ATP9B: variants seen among roughly 807,000 people sequenced by gnomAD.
ATP9B encodes ATPase phospholipid transporting 9B.
In ATP9B, 110 loss-of-function variants were observed where a neutral mutation model predicts 146.1. The ratio of observed to expected loss-of-function variants is 0.75; its 90% confidence interval spans 0.65 to 0.88. The LOEUF (loss-of-function observed/expected upper bound fraction) is 0.88, where lower values mean the gene tolerates loss of function less well. ATP9B is among the 40% of genes least tolerant of loss of function. The pLI is 0.00. For missense variants in ATP9B, 1,499 were observed against 1,496.4 expected, an observed-to-expected ratio of 1.00 and a Z score of -0.03; for synonymous variants, 604 against 569.7, an observed-to-expected ratio of 1.06 and a Z score of -0.86.
rs28669806 is a variant in ATP9B, at chr18:79,207,281, G to A, written c.1030+269G>A. On this transcript the variant is annotated intron_variant, in intron 10 of 29. Transcript: ENST00000426216. ...GCAGGAGTACAGGGATATTCTGTTCGTCTTTGACCTGTTTCTTGACAAACT... is the reference window on the plus strand; with the variant it reads ...GCAGGAGTACAGGGATATTCTGTTCATCTTTGACCTGTTTCTTGACAAACT... Among the ~76,000 whole-genome samples the A allele has an allele frequency of 7.4e-3, 1,123 of 152,284 alleles. 15 individuals carry two copies. Among genetic ancestry groups the A allele is most frequent in the African/African-American group, 0.026 (1,060 of 41,560 alleles).
In ATP9B at chr18:79,373,899, C is replaced by T. The variant is rs149975826; in HGVS notation, c.3072C>T (p.Gly1024=). The change falls in exon 28 of 30, where the codon GGC becomes GGT. Residue 1024 remains glycine (G), a splice_region_variant and synonymous_variant. Transcript: ENST00000426216. ...LIWVLISIYQ[G]GILMYGALVL... ...GAAAAAGCTCCTGCTGTTTTTCAGG[C>T]GGCATCCTCATGTATGGGGCCCTGG... is the stretch of plus-strand genomic sequence containing the variant. The T allele has an allele frequency of 2.7e-5, 44 of 1,612,426 alleles. No individual in the cohort carries two copies. In the East Asian group the frequency reaches 6.0e-4, roughly 22 times the overall value.
intron 2 of ATP9B, among the ~76,000 whole-genome samples, chr18:79,107,739 T>C (rs544861541): frequency 3.6e-4 from 55 of 152,326 alleles, no homozygotes; most frequent in African/African-American, 9.9e-4. Flanking sequence ...TGAATGGCTG[T>C]GGTGCCATGC....
intron 2 of ATP9B, among the ~76,000 whole-genome samples, chr18:79,102,718 G>T (rs1244883544): frequency 6.6e-6 from 1 of 152,052 alleles, no homozygotes; most frequent in Non-Finnish European, 1.5e-5. Flanking sequence ...TATTTTATTA[G>T]TTTGGGGGGG....
chr18:79,204,538 A>G (rs979572549), intron 9 of ATP9B, among the ~76,000 whole-genome samples: 1 of 152,208 alleles, frequency 6.6e-6, no homozygotes, highest in Non-Finnish European at 1.5e-5. Flanking sequence ...AGTATTTTGC[A>G]TATGAATACA....
At chr18:79,370,531 G>A (rs1006549400) in intron 26 of ATP9B, among the ~76,000 whole-genome samples, 2 of 152,146 alleles carry the variant, frequency 1.3e-5, no homozygotes, top group Non-Finnish European at 2.9e-5. Flanking sequence ...TGAATGAATT[G>A]CTTCTATGAG....
intron 2 of ATP9B, among the ~76,000 whole-genome samples, chr18:79,107,881 C>T (rs2075760284): frequency 6.6e-6 from 1 of 152,098 alleles, no homozygotes; most frequent in South Asian, 2.1e-4. Context: ...TCTGCCATTG[C>T]CTAGTGGTTT....
intron 13 of ATP9B, among the ~76,000 whole-genome samples, chr18:79,283,907 A>T (rs557265347): frequency 6.6e-6 from 1 of 152,282 alleles, no homozygotes; most frequent in South Asian, 2.1e-4. Flanking sequence ...TTAAAACTTA[A>T]CTCAGGGTGC....
chr18:79,340,993 C>T (rs1322978017), intron 19 of ATP9B, among the ~76,000 whole-genome samples: 1 of 152,226 alleles, frequency 6.6e-6, no homozygotes, highest in Non-Finnish European at 1.5e-5. Context: ...TCACAGCTAT[C>T]CTTATTAGAC....
chr18:79,169,637 T>G, intron 7 of ATP9B, among the ~76,000 whole-genome samples: 1 of 152,262 alleles, frequency 6.6e-6, no homozygotes, highest in East Asian at 1.9e-4. Context: ...GTTATACATT[T>G]GTTAATTATG....
intron 8 of ATP9B, among the ~76,000 whole-genome samples, chr18:79,191,647 T>C (rs1044384244): frequency 3.3e-5 from 5 of 152,254 alleles, no homozygotes; most frequent in Admixed American, 2.0e-4. Flanking sequence ...GGAATTTCCA[T>C]GTGCTTCTCT....
At chr18:79,157,396 C>CAAAAAAAAAAAAAA (rs147316668) in intron 7 of ATP9B, among the ~76,000 whole-genome samples, 16 of 48,582 alleles carry the variant, frequency 3.3e-4, no homozygotes, top group East Asian at 1.4e-3. Context: ...AACTCCATCT[C>CAAAAAAAAAAAAAA]AAAAAAAAAA....
chr18:79,336,139 G>A (rs927234417), intron 17 of ATP9B, among the ~76,000 whole-genome samples: 2 of 149,228 alleles, frequency 1.3e-5, no homozygotes, highest in African/African-American at 2.5e-5. Flanking sequence ...CCCCTCGCCC[G>A]TCCCCAGCAC....
Position 79,327,747 on chromosome 18 carries a change from CGTGGTTAGCGTGCTCTCT to C in ATP9B, c.1774-1386_1774-1369del, listed in dbSNP as rs1600056434. On this transcript the variant is annotated intron_variant, in intron 15 of 29. Coordinates refer to ENST00000426216, the MANE Select transcript of ATP9B (RefSeq NM_198531.5). ...TGCTCGCCGTGGTTAGCGTGCTCTC[CGTGGTTAGCGTGCTCTCT>C]GTGGTTAACGTGCTCTCCGTGGTTA... is the stretch of plus-strand genomic sequence containing the variant. Among the ~76,000 whole-genome samples the C allele has an allele frequency of 5.8e-5, 7 of 121,374 alleles. No individual in the cohort carries two copies. In the East Asian group the frequency reaches 8.3e-4, roughly 14 times the overall value. 79.6% of individuals were successfully genotyped at this position (121,374 alleles called of 152,430 possible).
chr18:79,208,277 G>A lies in ATP9B; in HGVS notation c.1030+1265G>A, dbSNP rs2095553901. On this transcript the variant is annotated intron_variant, in intron 10 of 29. Coordinates refer to ENST00000426216, the MANE Select transcript of ATP9B (RefSeq NM_198531.5). Reference sequence around the variant, plus strand: ...GAAAAATGAAGTTTATATAGACCAGGTCTAGGAGCAGCTTTTCTGAAGAAG... The same window carrying A: ...GAAAAATGAAGTTTATATAGACCAGATCTAGGAGCAGCTTTTCTGAAGAAG... Among the ~76,000 whole-genome samples, 4 of 152,082 alleles carry A rather than the reference G, an allele frequency of 2.6e-5. No individual in the cohort carries two copies. In the South Asian group the frequency reaches 8.3e-4, roughly 32 times the overall value.
At chr18:79,361,943 C>A in intron 26 of ATP9B, 2 of 309,446 alleles carry the variant, frequency 6.5e-6, no homozygotes, top group Non-Finnish European at 9.4e-6. Flanking sequence ...GATGAGAAAG[C>A]AGTGAATCAG....
At chr18:79,332,256 C>T (rs1357462706) in intron 17 of ATP9B, among the ~76,000 whole-genome samples, 4 of 151,572 alleles carry the variant, frequency 2.6e-5, no homozygotes, top group Admixed American at 6.6e-5. Context: ...GGTGAAACCC[C>T]ATCTCTACTA....
intron 1 of ATP9B, among the ~76,000 whole-genome samples, chr18:79,071,398 C>CTTTTT (rs747150962): frequency 4.0e-4 from 9 of 22,412 alleles, no homozygotes; most frequent in Non-Finnish European, 5.8e-4. Flanking sequence ...TATTGTTCTT[C>CTTTTT]CTTTTTTTTT....
chr18:79,084,558 C>T (rs1043766634), intron 1 of ATP9B, among the ~76,000 whole-genome samples: 12 of 151,500 alleles, frequency 7.9e-5, no homozygotes, highest in African/African-American at 2.4e-4. Flanking sequence ...AAAATGTAAG[C>T]GTATTGTCTT....
chr18:79,151,415 A>C (rs1012973396), intron 6 of ATP9B, among the ~76,000 whole-genome samples: 5 of 152,120 alleles, frequency 3.3e-5, no homozygotes, highest in East Asian at 3.9e-4. Context: ...GGTGTTATAT[A>C]GTGTGGTTTT....
Sources: gnomAD v4.1 joint callset for allele counts (sites outside exome capture counted in the v4.1 genomes callset) on GRCh38, gnomAD v4.1.1 for gene constraint, MANE v1.5 for transcripts, NCBI Gene and HGNC (gene_info 2026-07-23, HGNC 2026-07-21) for gene names.